Variants in ADAM7 observed in about 807,000 individuals in gnomAD.
ADAM7 encodes the protein ADAM metallopeptidase domain 7, also known as disintegrin and metalloproteinase domain-containing protein 7.
Under a neutral mutation model 102.9 loss-of-function variants are expected in ADAM7, and 97 were observed. The observed-to-expected ratio is 0.94, with a 90% CI of 0.80 to 1.12. ADAM7 has a LOEUF of 1.12. Among genes scored for constraint, ADAM7 ranks in the 50% most tolerant of loss-of-function variants. ADAM7 has a pLI of 0.00. For missense variants in ADAM7, 991 were observed against 908.7 expected (o/e 1.09, Z -1.16); for synonymous variants, 334 against 304.4 (o/e 1.10, Z -1.01).
chr8:24,457,677 A>G (rs1203575412), intron 3 of ADAM7, among the ~76,000 whole-genome samples: 1 of 152,208 alleles, frequency 6.6e-6, no homozygotes. Context: ...GTAAAAATTT[A>G]TAATTTTAAA....
At chr8:24,487,377 TG>T in intron 11 of ADAM7, 60 bp downstream of exon 11, 1 of 1,570,424 alleles carries the variant, frequency 6.4e-7, no homozygotes. Context: ...CTGGGCATGG[TG>T]GCTTATGCCT....
chr8:24,490,293 A>G (rs1820297241), intron 12 of ADAM7: 1 of 153,268 alleles, frequency 6.5e-6, no homozygotes, highest in Admixed American at 6.4e-5. Context: ...ATTCTAACAC[A>G]TGAGGTACCT....
intron 17 of ADAM7, 40 bp from the exon 18 acceptor site, chr8:24,500,138 T>C (rs1820704902): frequency 1.9e-6 from 3 of 1,558,358 alleles, no homozygotes; most frequent in African/African-American, 1.3e-5. Flanking sequence ...ACACAACTTA[T>C]ATCAGTCATT....
chr8:24,455,446 A>G (rs1280900531), intron 3 of ADAM7, among the ~76,000 whole-genome samples: 1 of 152,214 alleles, frequency 6.6e-6, no homozygotes, highest in East Asian at 1.9e-4. Flanking sequence ...TCTGTCACCC[A>G]GGCTAGAGTG....
intron 3 of ADAM7, among the ~76,000 whole-genome samples, chr8:24,454,851 T>G (rs1268376664): frequency 7.2e-5 from 11 of 152,184 alleles, no homozygotes; most frequent in Non-Finnish European, 1.5e-4. Flanking sequence ...TTTTATAAAC[T>G]CATGTTGAGA....
intron 14 of ADAM7, 124 bp from the exon 15 acceptor site, chr8:24,492,371 T>G (rs1820391177): frequency 5.1e-6 from 4 of 783,190 alleles, no homozygotes; most frequent in Non-Finnish European, 8.0e-6. Flanking sequence ...TTTAAATAAT[T>G]TATTCCATTC....
intron 20 of ADAM7, among the ~76,000 whole-genome samples, chr8:24,503,542 T>C (rs1265976011): frequency 1.3e-5 from 2 of 152,112 alleles, no homozygotes; most frequent in Non-Finnish European, 1.5e-5. Flanking sequence ...ACCCAAAGGA[T>C]TGTAAATCAT....
intron 7 of ADAM7, among the ~76,000 whole-genome samples, chr8:24,469,833 A>C (rs1819547235): frequency 6.6e-6 from 1 of 152,168 alleles, no homozygotes; most frequent in Non-Finnish European, 1.5e-5. Flanking sequence ...CCCTTGAAAA[A>C]ATTAAACAGA....
chr8:24,449,735 C>A (rs1818708212), intron 3 of ADAM7, among the ~76,000 whole-genome samples: 1 of 152,084 alleles, frequency 6.6e-6, no homozygotes, highest in Non-Finnish European at 1.5e-5. Flanking sequence ...ATGCCTATGT[C>A]CTGAATGGTA....
intron 4 of ADAM7, among the ~76,000 whole-genome samples, chr8:24,464,415 A>G (rs191285940): frequency 2.0e-3 from 309 of 152,202 alleles, no homozygotes; most frequent in African/African-American, 7.0e-3. Context: ...TCAATCCTCA[A>G]ATGAATTTTT....
rs1405042947 is a variant in ADAM7 at position 24,509,159 on chromosome 8, ATTCCTAGG to A, written c.*616_*623del. 1 of 985,330 alleles carries A rather than the reference ATTCCTAGG, an allele frequency of 1.0e-6. No homozygotes were observed. The highest frequency in any genetic ancestry group is 1.2e-6 in the Non-Finnish European group (1 of 829,974). 61.0% of individuals were successfully genotyped at this position (985,330 alleles called of 1,614,324 possible). ...CACAGAATGCTCCTGGCAATTCTAAATTCCTAGGTTTGCCTTTCTAGAATTCCTTAAGA... is the reference window on the plus strand; with the variant it reads ...CACAGAATGCTCCTGGCAATTCTAAATTTGCCTTTCTAGAATTCCTTAAGA... On this transcript the variant is annotated 3_prime_UTR_variant, in exon 22 of 22. Coordinates refer to ENST00000175238, the MANE Select transcript of ADAM7 (RefSeq NM_003817.4).
chr8:24,448,757 C>T (rs1008462357), intron 3 of ADAM7, among the ~76,000 whole-genome samples: 1 of 151,900 alleles, frequency 6.6e-6, no homozygotes, highest in Non-Finnish European at 1.5e-5. Context: ...GTGCTGCACC[C>T]ATTAACTCGT....
intron 7 of ADAM7, among the ~76,000 whole-genome samples, chr8:24,471,490 A>G (rs555770057): frequency 6.7e-6 from 1 of 149,232 alleles, no homozygotes; most frequent in South Asian, 2.1e-4. Flanking sequence ...CATTTATACC[A>G]TTTTTTATTG....
At chr8:24,443,949 T>TA (rs1585843211) in intron 2 of ADAM7, among the ~76,000 whole-genome samples, 1 of 148,802 alleles carries the variant, frequency 6.7e-6, no homozygotes, top group East Asian at 2.0e-4. Context: ...AAAAATAAAA[T>TA]AAAATAAAAT....
chr8:24,480,393 C>G (rs12548199), intron 8 of ADAM7, among the ~76,000 whole-genome samples: 1,630 of 152,204 alleles, frequency 0.011, 45 homozygotes, highest in Admixed American at 0.056. Context: ...AGCCCATACT[C>G]ACGTTATTTC....
At position 24,490,825 on chromosome 8, in the gene ADAM7, A is replaced by G. The variant is rs747132139; in HGVS notation, c.1293A>G (p.Ala431=). ...AGTGTACTAATCCTTGCTGTGATGC[A>G]CACACATGTGTACTGAAGCCAGGAT... The part of the protein sequence containing the change: ...AQECTNPCCD[A]HTCVLKPGFT... The change falls in exon 13 of 22, where the codon GCA becomes GCG. Residue 431 remains alanine, a synonymous_variant. Coordinates refer to ENST00000175238, the MANE Select transcript of ADAM7 (RefSeq NM_003817.4). 11 of 1,613,828 alleles carry G rather than the reference A, an allele frequency of 6.8e-6. No individual in the cohort carries two copies. Among genetic ancestry groups the G allele is most frequent in the Non-Finnish European group, 9.3e-6 (11 of 1,179,776 alleles).
At chr8:24,472,876 A>C (rs1819652189) in intron 7 of ADAM7, among the ~76,000 whole-genome samples, 1 of 152,070 alleles carries the variant, frequency 6.6e-6, no homozygotes, top group African/African-American at 2.4e-5. Flanking sequence ...ATGCTGATTA[A>C]AAAATATAGA....
rs768771407 is a variant in ADAM7 at position 24,476,457 on chromosome 8, A to G, written c.658A>G (p.Asn220Asp). The G allele has an allele frequency of 6.2e-7, 1 of 1,608,090 alleles. No homozygotes were observed. The highest frequency in any genetic ancestry group is 8.5e-7 in the Non-Finnish European group (1 of 1,175,968). Residue 220 changes from asparagine to aspartate, a missense_variant, in exon 8 of 22, where the codon AAT becomes GAT. Coordinates refer to ENST00000175238, the MANE Select transcript of ADAM7 (RefSeq NM_003817.4). ...TVYRRNGHPH[N>D]KLRNRIWGMV... ...GTATCGCAGAAATGGTCATCCTCAC[A>G]ATAAACTAAGGAACCGAATTTGGGG...
intron 10 of ADAM7, among the ~76,000 whole-genome samples, chr8:24,486,514 G>A (rs1648366648): frequency 6.6e-6 from 1 of 152,062 alleles, no homozygotes; most frequent in African/African-American, 2.4e-5. Context: ...TTATTATATT[G>A]TGTAGGATAT....
Sources: gnomAD v4.1 joint callset for allele counts (sites outside exome capture counted in the v4.1 genomes callset) on GRCh38, gnomAD v4.1.1 for gene constraint, MANE v1.5 for transcripts, NCBI Gene and HGNC (gene_info 2026-07-23, HGNC 2026-07-21) for gene names.